Variants in CFAP276 observed in about 807,000 individuals in gnomAD.
CFAP276 encodes cilia and flagella associated protein 276.
the CFAP276 span, chr1:109,107,864 A>G: frequency 2.1e-6 from 2 of 954,744 alleles, no homozygotes; most frequent in Non-Finnish European, 2.9e-6. Flanking sequence ...GGTGACAGGA[A>G]AAAAAAAAAA....
At chr1:109,109,187 C>T in the CFAP276 span, among the ~76,000 whole-genome samples, 1 of 152,074 alleles carries the variant, frequency 6.6e-6, no homozygotes, top group African/African-American at 2.4e-5. Flanking sequence ...AGTGTCTCAC[C>T]CCTGTAATCC....
the CFAP276 span, chr1:109,107,178 T>A: frequency 7.3e-7 from 1 of 1,372,246 alleles, no homozygotes; most frequent in African/African-American, 1.4e-5. Flanking sequence ...CCTGCTCTAG[T>A]CAGGTTCTAT....
At chr1:109,113,451 A>AGAGAGAGAGAGAGAGGGAGT in the CFAP276 span, among the ~76,000 whole-genome samples, 81 of 120,356 alleles carry the variant, frequency 6.7e-4, no homozygotes, top group East Asian at 6.6e-3. Context: ...AGAGAGAGAG[A>AGAGAGAGAGAGAGAGGGAGT]GAGAGAGAGA....
chr1:109,106,164 A>G, the CFAP276 span: 1 of 1,346,908 alleles, frequency 7.4e-7, no homozygotes, highest in Non-Finnish European at 1.1e-6. Flanking sequence ...AGGAAACTTT[A>G]AACATCAATA....
chr1:109,111,721 G>A, the CFAP276 span, among the ~76,000 whole-genome samples: 2 of 152,230 alleles, frequency 1.3e-5, no homozygotes, highest in African/African-American at 2.4e-5. Context: ...TCTGGTTCCT[G>A]TTTCCTTCTT....
the CFAP276 span, among the ~76,000 whole-genome samples, chr1:109,113,131 T>A: frequency 6.6e-6 from 1 of 152,226 alleles, no homozygotes; most frequent in South Asian, 2.1e-4. Flanking sequence ...GGTTCACGCC[T>A]GTAATCTCAG....
At chr1:109,113,465 AGAGG>A in the CFAP276 span, among the ~76,000 whole-genome samples, 27 of 132,230 alleles carry the variant, frequency 2.0e-4, 3 homozygotes, top group African/African-American at 5.2e-4. Context: ...AGAGAGAGAG[AGAGG>A]CCCACGTGCG....
the CFAP276 span, among the ~76,000 whole-genome samples, chr1:109,113,416 A>AAGAGAGAGAGAGAGAGAGAG: frequency 5.9e-5 from 4 of 68,078 alleles, no homozygotes; most frequent in Admixed American, 1.6e-4. Context: ...GAGAGAGAGA[A>AAGAGAGAGAGAGAGAGAGAG]AGAGAGAGAG....
chr1:109,107,039 C>A, the CFAP276 span: 701 of 1,614,170 alleles, frequency 4.3e-4, 4 homozygotes, highest in South Asian at 2.9e-3. Context: ...TCTGGTTTAA[C>A]AGTATCTCAC....
At chr1:109,111,904 C>T in the CFAP276 span, among the ~76,000 whole-genome samples, 1 of 152,214 alleles carries the variant, frequency 6.6e-6, no homozygotes. Flanking sequence ...TTGTCGGTCT[C>T]TCTTTACTAC....
chr1:109,113,467 A>AGAGAGAGAGAGAGG, the CFAP276 span, among the ~76,000 whole-genome samples: 186 of 126,366 alleles, frequency 1.5e-3, 15 homozygotes, highest in Middle Eastern at 4.4e-3. Context: ...AGAGAGAGAG[A>AGAGAGAGAGAGAGG]GGCCCACGTG....
the CFAP276 span, chr1:109,112,738 T>G: frequency 1.3e-6 from 2 of 1,538,376 alleles, no homozygotes; most frequent in Non-Finnish European, 1.8e-6. Flanking sequence ...CAGCACAGCC[T>G]CACTGGCATA....
At chr1:109,113,314 A>G in the CFAP276 span, among the ~76,000 whole-genome samples, 1 of 151,336 alleles carries the variant, frequency 6.6e-6, no homozygotes, top group Non-Finnish European at 1.5e-5. Flanking sequence ...AATCTCTTGA[A>G]CCCGGAAGGC....
chr1:109,106,298 T>C, the CFAP276 span, among the ~76,000 whole-genome samples: 4 of 152,208 alleles, frequency 2.6e-5, no homozygotes, highest in African/African-American at 9.6e-5. Flanking sequence ...AATGTTTGTC[T>C]CCTAGACCTA....
the CFAP276 span, chr1:109,112,522 C>T: frequency 1.3e-6 from 2 of 1,527,022 alleles, no homozygotes; most frequent in Non-Finnish European, 1.8e-6. Context: ...CTTTATGTTA[C>T]CATCTCTGCT....
chr1:109,111,258 G>A, the CFAP276 span, among the ~76,000 whole-genome samples: 14 of 152,302 alleles, frequency 9.2e-5, no homozygotes, highest in East Asian at 1.2e-3. Flanking sequence ...CTTGAGGCTA[G>A]GAGTTTGAGA....
chr1:109,107,912 G>T, the CFAP276 span: 2 of 1,588,330 alleles, frequency 1.3e-6, no homozygotes, highest in East Asian at 2.2e-5. Flanking sequence ...ATATTTCAAT[G>T]CTAGGTACCT....
chr1:109,113,691 G>A, the CFAP276 span: 1 of 1,614,000 alleles, frequency 6.2e-7, no homozygotes, highest in Non-Finnish European at 8.5e-7. Context: ...CTTTCTCTCG[G>A]TTCACACGCC....
chr1:109,112,544 CAGAA>C, the CFAP276 span: 17 of 1,545,170 alleles, frequency 1.1e-5, no homozygotes, highest in Admixed American at 3.0e-4. Context: ...ATCACACAGA[CAGAA>C]AGAAGACTAC....
Sources: allele counts gnomAD v4.1 joint callset (sites outside exome capture counted in the v4.1 genomes callset), GRCh38; gene constraint gnomAD v4.1.1; transcripts MANE v1.5; gene names NCBI Gene and HGNC (gene_info 2026-07-23, HGNC 2026-07-21).